Variants in UBN1 observed in about 807,000 individuals in gnomAD.
The protein encoded by UBN1 is ubinuclein-1.
Under a neutral mutation model 108.5 loss-of-function variants are expected in UBN1, and 17 were observed. The observed-to-expected ratio is 0.16, with a 90% CI of 0.11 to 0.24. UBN1 has a LOEUF of 0.24. Among genes scored for constraint, UBN1 ranks in the 10% least tolerant of loss-of-function variants. UBN1 has a pLI of 1.00. For missense variants in UBN1, 1,595 were observed against 1,394.4 expected (o/e 1.14, Z -2.29); for synonymous variants, 726 against 564.2 (o/e 1.29, Z -4.07).
intron 14 of UBN1, 140 bp from the exon 15 acceptor site, chr16:4,874,071 C>T: frequency 3.7e-6 from 4 of 1,081,828 alleles, no homozygotes; most frequent in Non-Finnish European, 5.2e-6. Context: ...ACAGCTCCTG[C>T]TCTGTCCCAC....
chr16:4,880,290 C>T lies in UBN1; in HGVS notation c.*158C>T, dbSNP rs961246184. 5.0e-6 allele frequency: 4 copies of T among 801,420 alleles called. No individual in the cohort carries two copies. The highest frequency in any genetic ancestry group is 3.4e-5 in the African/African-American group (2 of 58,292). The allele number at this position is 801,420 out of a possible 1,614,324, so 49.6% of individuals were successfully genotyped here. A position where few individuals can be genotyped will look rare whatever the true frequency, so the allele number is the denominator to read the frequency against. Reference sequence around the variant, plus strand: ...GCTTCTCGGCACTTCTGATGTGCCTCCCATGGAGGGAGCCGGGCCCTTGCT... The same window carrying T: ...GCTTCTCGGCACTTCTGATGTGCCTTCCATGGAGGGAGCCGGGCCCTTGCT... On this transcript the variant is annotated 3_prime_UTR_variant, in exon 18 of 18. Coordinates refer to ENST00000262376, the MANE Select transcript of UBN1 (RefSeq NM_001079514.3).
At chr16:4,850,252 T>C (rs1194921785) in intron 1 of UBN1, among the ~76,000 whole-genome samples, 2 of 152,174 alleles carry the variant, frequency 1.3e-5, no homozygotes, top group African/African-American at 4.8e-5. Context: ...TGTAGTCCTA[T>C]TTTTTACCTT....
In UBN1 at chr16:4,870,628, T is replaced by C; in HGVS notation, c.1424T>C (p.Val475Ala). 6.2e-7 allele frequency: 1 copy of C among 1,613,812 alleles called. No homozygotes were observed. Among genetic ancestry groups the C allele is most frequent in the South Asian group, 1.1e-5 (1 of 91,084 alleles). The change falls in exon 10 of 18, where the codon GTT becomes GCT. Residue 475 changes from valine to alanine, a missense_variant. Around this residue, in one of 3 missense-constraint regions of UBN1, gnomAD observed 1,398 missense variants for 1,194.7 expected, o/e 1.17. Transcript: ENST00000262376. The part of the protein sequence containing the change: ...DECQAHTQAK[V>A]AKMLEEEKDK... Reference sequence around the variant, plus strand: ...TGCCAGGCACACACGCAGGCAAAGGTTGCCAAGTAAGTTTGTCCTGGCGCT... The same window carrying C: ...TGCCAGGCACACACGCAGGCAAAGGCTGCCAAGTAAGTTTGTCCTGGCGCT...
intron 7 of UBN1, among the ~76,000 whole-genome samples, chr16:4,863,649 G>C (rs532154270): frequency 6.6e-6 from 1 of 151,966 alleles, no homozygotes; most frequent in South Asian, 2.1e-4. Flanking sequence ...AGATTGGGTA[G>C]ACTTTACATC....
At chr16:4,852,642 G>A (rs915930072) in intron 1 of UBN1, 3 of 283,648 alleles carry the variant, frequency 1.1e-5, no homozygotes, top group Non-Finnish European at 1.3e-5. Context: ...TTAAGGTCAA[G>A]GATCTAGGAT....
chr16:4,854,556 C>T (rs2086708799), intron 2 of UBN1, among the ~76,000 whole-genome samples: 1 of 145,904 alleles, frequency 6.9e-6, no homozygotes, highest in South Asian at 2.2e-4. Flanking sequence ...GGGGTTTTAC[C>T]ATTTTAACCA....
In UBN1 at chr16:4,871,151, T is replaced by A; in HGVS notation, c.1560-4T>A. The A allele has an allele frequency of 6.2e-7, 1 of 1,613,740 alleles. No individual in the cohort carries two copies. The highest frequency in any genetic ancestry group is 8.5e-7 in the Non-Finnish European group (1 of 1,179,916). ...GGAGTTTCTGATTTCTGCCTCCTTCTCAGGGAGCTACTGTGCCAGGTGGTG... is the reference window on the plus strand; with the variant it reads ...GGAGTTTCTGATTTCTGCCTCCTTCACAGGGAGCTACTGTGCCAGGTGGTG... On this transcript the variant is annotated splice_polypyrimidine_tract_variant and splice_region_variant and intron_variant, in intron 11 of 17. Transcript: ENST00000262376.
At chr16:4,851,704 C>T (rs2086565847) in intron 1 of UBN1, among the ~76,000 whole-genome samples, 1 of 151,982 alleles carries the variant, frequency 6.6e-6, no homozygotes, top group Non-Finnish European at 1.5e-5. Context: ...CCTGTAGTCT[C>T]AGCTCCTCGA....
rs1169987944 is a variant in UBN1 at position 4,871,363 on chromosome 16, G to A, written c.1706+62G>A. On this transcript the variant is annotated intron_variant, in intron 12 of 17. Transcript: ENST00000262376. ...CAAGACACGTTTGAACGCTGCTTTTGTGCCAGGCCAACAGGATCCTTGCTC... is the reference window on the plus strand; with the variant it reads ...CAAGACACGTTTGAACGCTGCTTTTATGCCAGGCCAACAGGATCCTTGCTC... 6 of 1,568,130 alleles carry A rather than the reference G, an allele frequency of 3.8e-6. No individual in the cohort carries two copies. The East Asian group carries it at 1.1e-4, about 29-fold the overall frequency.
chr16:4,876,363 A>G (rs976619348), intron 15 of UBN1, among the ~76,000 whole-genome samples: 2 of 152,172 alleles, frequency 1.3e-5, no homozygotes, highest in African/African-American at 4.8e-5. Context: ...TAAGGTAACT[A>G]AGCTCTTTAG....
In UBN1 at chr16:4,859,174, G is replaced by A; in HGVS notation, c.567+15G>A. The stretch of plus-strand genomic sequence containing the variant: ...AATCTCCAAAGGTTAGAATGTGCTT[G>A]CTTTTGGATTTCAGAAATGCTTTTT... On this transcript the variant is annotated intron_variant, in intron 5 of 17. Transcript: ENST00000262376. 6.2e-7 allele frequency: 1 copy of A among 1,608,080 alleles called. No homozygotes were observed. The highest frequency in any genetic ancestry group is 1.1e-5 in the South Asian group (1 of 90,304).
Position 4,877,558 on chromosome 16 carries a change from C to G in UBN1, c.3355+84C>G, listed in dbSNP as rs929177030. On this transcript the variant is annotated intron_variant, in intron 17 of 17. Coordinates refer to ENST00000262376, the MANE Select transcript of UBN1 (RefSeq NM_001079514.3). The surrounding 1 kb of genome is among the most constrained non-coding windows in gnomAD (Gnocchi z 4.3). ...TAGGTGCTTTGCCGCTGCCAAGGGTCTTGGTGTCTTTGCCTTGACGCTGTT... is the reference window on the plus strand; with the variant it reads ...TAGGTGCTTTGCCGCTGCCAAGGGTGTTGGTGTCTTTGCCTTGACGCTGTT... 120 of 1,486,570 alleles carry G rather than the reference C, an allele frequency of 8.1e-5. No homozygotes were observed. Among genetic ancestry groups the G allele is most frequent in the Non-Finnish European group, 9.7e-5 (109 of 1,122,376 alleles). 92.1% of individuals were successfully genotyped at this position (1,486,570 alleles called of 1,614,324 possible). A position where few individuals can be genotyped will look rare whatever the true frequency, so the allele number is the denominator to read the frequency against.
rs1001744278 is a variant in UBN1 at position 4,858,457 on chromosome 16, T to G, written c.337-111T>G. On this transcript the variant is annotated intron_variant, in intron 3 of 17. Coordinates refer to ENST00000262376, the MANE Select transcript of UBN1 (RefSeq NM_001079514.3). ...GTTTGTGTGTATGTGAGAGAGTGACTGTTTTAGTTAGTGCATTACCTCTTT... is the reference window on the plus strand; with the variant it reads ...GTTTGTGTGTATGTGAGAGAGTGACGGTTTTAGTTAGTGCATTACCTCTTT... The G allele has an allele frequency of 3.3e-6, 3 of 903,740 alleles. No homozygotes were observed. In the African/African-American group the frequency reaches 5.0e-5, roughly 15 times the overall value. 56.0% of individuals were successfully genotyped at this position (903,740 alleles called of 1,614,324 possible). A position where few individuals can be genotyped will look rare whatever the true frequency, so the allele number is the denominator to read the frequency against.
chr16:4,874,935 T>A lies in UBN1; in HGVS notation c.2525T>A (p.Leu842Gln). Residue 842 changes from leucine (L) to glutamine (Q), a missense_variant, in exon 15 of 18, where the codon CTG becomes CAG. Around this residue, in one of 3 missense-constraint regions of UBN1, gnomAD observed 1,398 missense variants for 1,194.7 expected, o/e 1.17. Transcript: ENST00000262376. ...CCCACACAGTGTCATCGTTCCCTCC[T>A]GCAGTTAGTGAAGACAGCGGCCAAA... ...ASPTQCHRSL[L>Q]QLVKTAAKGQ... 4 of 1,614,194 alleles carry A rather than the reference T, an allele frequency of 2.5e-6. No homozygotes were observed. Among genetic ancestry groups the A allele is most frequent in the Non-Finnish European group, 3.4e-6 (4 of 1,180,044 alleles).
intron 8 of UBN1, among the ~76,000 whole-genome samples, chr16:4,869,389 C>G (rs776029992): frequency 6.6e-6 from 1 of 152,246 alleles, no homozygotes; most frequent in Non-Finnish European, 1.5e-5. Flanking sequence ...GCCTGAGCCT[C>G]TGAGACACCA....
At chr16:4,870,117 G>T (rs184319158) in intron 8 of UBN1, 95 bp from the exon 9 acceptor site, 16 of 1,566,286 alleles carry the variant, frequency 1.0e-5, no homozygotes, top group Non-Finnish European at 1.4e-5. Context: ...TTTGACTGCC[G>T]TTGGCTCCTA....
chr16:4,878,751 C>T (rs1336676469), intron 17 of UBN1, among the ~76,000 whole-genome samples: 3 of 152,234 alleles, frequency 2.0e-5, no homozygotes, highest in African/African-American at 4.8e-5. Flanking sequence ...TGGCTATCAC[C>T]TGTAATCCCA....
At chr16:4,852,671 A>G in intron 1 of UBN1, 1 of 419,200 alleles carries the variant, frequency 2.4e-6, no homozygotes, top group Non-Finnish European at 4.2e-6. Context: ...ACAGGAAAAA[A>G]GACTGGAAGT....
chr16:4,860,442 A>G (rs1191397138), intron 6 of UBN1, among the ~76,000 whole-genome samples: 1 of 152,220 alleles, frequency 6.6e-6, no homozygotes, highest in Non-Finnish European at 1.5e-5. Flanking sequence ...CCCGTCGGAA[A>G]TTTAGCATAT....
Sources: allele counts gnomAD v4.1 joint callset (sites outside exome capture counted in the v4.1 genomes callset), GRCh38; gene constraint gnomAD v4.1.1; regional missense constraint gnomAD v4.1.1; non-coding constraint Gnocchi (gnomAD v3.1); transcripts MANE v1.5; gene names NCBI Gene and HGNC (gene_info 2026-07-23, HGNC 2026-07-21).